Variants in IGF2R observed in about 807,000 individuals in gnomAD.
IGF2R encodes cation-independent mannose-6-phosphate receptor.
IGF2R carries 91 observed loss-of-function variants against 270.6 expected under a neutral mutation model. The ratio of observed to expected loss-of-function variants is 0.34; its 90% confidence interval spans 0.28 to 0.40. IGF2R has a LOEUF of 0.40. IGF2R is among the 10% of genes least tolerant of loss of function. The pLI is 1.00. For missense variants in IGF2R, 2,805 were observed against 3,188.3 expected (o/e 0.88, Z 2.90); for synonymous variants, 1,316 against 1,258.9 (o/e 1.05, Z -0.96).
intron 42 of IGF2R, among the ~76,000 whole-genome samples, chr6:160,088,464 C>A (rs1779143864): frequency 6.6e-6 from 1 of 152,228 alleles, no homozygotes; most frequent in Non-Finnish European, 1.5e-5. Flanking sequence ...ATTTGTCCCA[C>A]CCGAGGTGTT....
intron 10 of IGF2R, among the ~76,000 whole-genome samples, chr6:160,035,702 G>A (rs745927069): frequency 5.3e-5 from 8 of 152,228 alleles, no homozygotes; most frequent in Non-Finnish European, 5.9e-5. Flanking sequence ...TGAGGCTGGA[G>A]GGTGTTGTGA....
At chr6:160,041,379 C>T (rs1277734937) in intron 11 of IGF2R, among the ~76,000 whole-genome samples, 1 of 152,064 alleles carries the variant, frequency 6.6e-6, no homozygotes, top group Non-Finnish European at 1.5e-5. Flanking sequence ...CCACCCAGAA[C>T]AGTCACAGAA....
In IGF2R at chr6:160,059,288, C is replaced by CTGTGTGATAAAAGT. The variant is rs558375303; in HGVS notation, c.3091+190_3091+191insTGTGTGATAAAAGT. On this transcript the variant is annotated intron_variant, in intron 22 of 47. Transcript: ENST00000356956. ...CGCAGAATACAGGGGTCCCGTTATCCGTGGCTTCACTTTTGTGGTATCACA... is the reference window on the plus strand; with the variant it reads ...CGCAGAATACAGGGGTCCCGTTATCCTGTGTGATAAAAGTGTGGCTTCACTTTTGTGGTATCACA... 4.0e-3 allele frequency among the ~76,000 whole-genome samples: 608 copies of CTGTGTGATAAAAGT among 152,284 alleles called. 3 individuals are homozygous for CTGTGTGATAAAAGT. The highest frequency in any genetic ancestry group is 0.013 in the African/African-American group (525 of 41,548).
chr6:160,066,579 A>T (rs1045703401), intron 29 of IGF2R, among the ~76,000 whole-genome samples: 1 of 152,112 alleles, frequency 6.6e-6, no homozygotes, highest in African/African-American at 2.4e-5. Flanking sequence ...TAATAGATGA[A>T]ATTACCCACC....
intron 9 of IGF2R, among the ~76,000 whole-genome samples, 154 bp downstream of exon 9, chr6:160,033,261 C>T (rs536378427): frequency 3.9e-5 from 6 of 152,280 alleles, no homozygotes; most frequent in African/African-American, 1.2e-4. Context: ...CTCAGCCTCC[C>T]GAGTAGCTGG....
chr6:160,022,286 T>G (rs1777455685), intron 4 of IGF2R, among the ~76,000 whole-genome samples: 1 of 152,216 alleles, frequency 6.6e-6, no homozygotes, highest in South Asian at 2.1e-4. Context: ...AGAAATTTCC[T>G]AATGGGTACA....
In IGF2R at chr6:160,109,549, C is replaced by T. The variant is rs1157790170; in HGVS notation, c.*4465C>T. 2.0e-5 allele frequency: 3 copies of T among 152,216 alleles called. No homozygotes were observed. The highest frequency in any genetic ancestry group is 1.3e-4 in the Admixed American group (2 of 15,286). The allele number at this position is 152,216 out of a possible 1,614,324, so 9.4% of individuals were successfully genotyped here. ...GGACCTTCACAGGACTAAGGTGCCA[C>T]CATCAGAACCACAATATGTGGGGAC... is the stretch of plus-strand genomic sequence containing the variant. On this transcript the variant is annotated 3_prime_UTR_variant, in exon 48 of 48. Coordinates refer to ENST00000356956, the MANE Select transcript of IGF2R (RefSeq NM_000876.4).
chr6:160,044,612 C>T lies in IGF2R; in HGVS notation c.1720C>T (p.His574Tyr). 6.2e-7 allele frequency: 1 copy of T among 1,610,590 alleles called. No individual in the cohort carries two copies. The highest frequency in any genetic ancestry group is 1.1e-5 in the South Asian group (1 of 90,020). Residue 574 changes from histidine to tyrosine, a missense_variant, in exon 13 of 48, where the codon CAT (histidine) becomes TAT (tyrosine). By Grantham distance (83) the His-to-Tyr change is moderately conservative. Coordinates refer to ENST00000356956, the MANE Select transcript of IGF2R (RefSeq NM_000876.4). ...TTATTCAGATGGTGATGATTGTGGT[C>T]ATGGCAAGAAAATTAAAACTAATAT... ...LSYSDGDDCG[H>Y]GKKIKTNITL...
At chr6:160,067,058 A>G (rs1407830964) in intron 29 of IGF2R, among the ~76,000 whole-genome samples, 2 of 152,120 alleles carry the variant, frequency 1.3e-5, no homozygotes, top group East Asian at 3.9e-4. Flanking sequence ...TGAAACCTTC[A>G]ATGCAGTGAG....
chr6:160,011,123 C>G (rs1784326702), intron 4 of IGF2R, among the ~76,000 whole-genome samples: 1 of 152,186 alleles, frequency 6.6e-6, no homozygotes, highest in African/African-American at 2.4e-5. Flanking sequence ...ACTCTACCTG[C>G]AGGAGCCATC....
At position 160,027,304 on chromosome 6, in the gene IGF2R, C is replaced by T. The variant is rs142589883; in HGVS notation, c.766C>T (p.Arg256Cys). 3.1e-5 allele frequency: 50 copies of T among 1,612,982 alleles called. No individual in the cohort carries two copies. The highest frequency in any genetic ancestry group is 5.3e-5 in the African/African-American group (4 of 74,914). The change falls in exon 6 of 48, where the codon CGC (arginine) becomes TGC (cysteine). Residue 256 changes from arginine (R) to cysteine (C), a missense_variant. Arg to Cys is a radical substitution (Grantham distance 180). This residue lies in a region of IGF2R where 954 missense variants were observed against 981.1 expected (regional missense o/e 0.97). Transcript: ENST00000356956. ...GQPRDGLKLV[R>C]KDRLVLSYVR... ...GCCCCGGGACGGACTGAAGCTGGTGCGCAAGGACAGGTCAGTCAAGGCCTC... is the reference window on the plus strand; with the variant it reads ...GCCCCGGGACGGACTGAAGCTGGTGTGCAAGGACAGGTCAGTCAAGGCCTC...
chr6:160,080,002 G>A (rs980858202), intron 38 of IGF2R, 127 bp from the exon 39 acceptor site: 2 of 1,199,926 alleles, frequency 1.7e-6, no homozygotes, highest in African/African-American at 3.0e-5. Flanking sequence ...GTTTTGGCAG[G>A]TGAATGCCGG....
chr6:160,070,696 T>C (rs990246733), intron 31 of IGF2R, among the ~76,000 whole-genome samples: 1 of 152,188 alleles, frequency 6.6e-6, no homozygotes, highest in African/African-American at 2.4e-5. Flanking sequence ...GCCCCAGTGC[T>C]AGCGTGCATG....
intron 47 of IGF2R, among the ~76,000 whole-genome samples, 167 bp downstream of exon 47, chr6:160,103,982 TTTG>T (rs1172800083): frequency 6.6e-6 from 1 of 152,156 alleles, no homozygotes; most frequent in African/African-American, 2.4e-5. Flanking sequence ...AGCACATTTT[TTTG>T]TTATTTTTTT....
chr6:160,063,685 A>C, intron 27 of IGF2R, 55 bp downstream of exon 27: 1 of 1,352,844 alleles, frequency 7.4e-7, no homozygotes, highest in Non-Finnish European at 1.0e-6. Context: ...TAAAATATTA[A>C]AATATTTTGC....
chr6:159,989,992 G>A (rs1196205859), intron 1 of IGF2R, among the ~76,000 whole-genome samples: 6 of 152,204 alleles, frequency 3.9e-5, no homozygotes, highest in Admixed American at 3.9e-4. Flanking sequence ...GCTTGGTGTA[G>A]TGAATTTTGT....
At chr6:160,043,438 T>C (rs888739309) in intron 12 of IGF2R, 150 bp downstream of exon 12, 1 of 889,186 alleles carries the variant, frequency 1.1e-6, no homozygotes, top group Non-Finnish European at 1.7e-6. Flanking sequence ...ATAACTCAAA[T>C]GTCAGTAATT....
chr6:159,972,275 G>A (rs192167097), intron 1 of IGF2R, among the ~76,000 whole-genome samples: 2 of 152,284 alleles, frequency 1.3e-5, no homozygotes, highest in East Asian at 1.9e-4. Flanking sequence ...AAATGTCCCC[G>A]TTTGTTTTTG....
rs201255628 is a variant in IGF2R at position 160,090,045 on chromosome 6, C to T, written c.6597C>T (p.Asn2199=). 13 of 1,598,884 alleles carry T rather than the reference C, an allele frequency of 8.1e-6. No homozygotes were observed. Among genetic ancestry groups the T allele is most frequent in the Admixed American group, 3.5e-5 (2 of 57,434 alleles). Residue 2199 remains asparagine (N), a synonymous_variant, in exon 44 of 48, where the codon AAC becomes AAT. Transcript: ENST00000356956. ...SGANICQVKP[N]DQHFSRKVGT... ...CCAACATATGCCAGGTGAAGCCCAACGATCAGCACTTCAGTCGGAAAGTTG... is the reference window on the plus strand; with the variant it reads ...CCAACATATGCCAGGTGAAGCCCAATGATCAGCACTTCAGTCGGAAAGTTG...
Sources: gnomAD v4.1 joint callset for allele counts (sites outside exome capture counted in the v4.1 genomes callset) on GRCh38, gnomAD v4.1.1 for gene constraint, gnomAD v4.1.1 regional missense constraint, MANE v1.5 for transcripts, NCBI Gene and HGNC (gene_info 2026-07-23, HGNC 2026-07-21) for gene names.